The following LIFR variants were observed in gnomAD, a reference collection of about 807,000 sequenced individuals.
The protein encoded by LIFR is LIF receptor subunit alpha.
A neutral mutation model predicts 122.2 loss-of-function variants in LIFR; 84 were observed. That is an observed-to-expected ratio of 0.69 (90% CI 0.58 to 0.82). The LOEUF (loss-of-function observed/expected upper bound fraction) is 0.82. Ranked by LOEUF, LIFR falls within the 40% of genes least tolerant of loss-of-function variation. The probability of loss-of-function intolerance (pLI) is 0.00; values close to 1 mark genes in which losing one functional copy is unlikely to be tolerated. For synonymous variants in LIFR, 422 were observed against 434.7 expected (o/e 0.97, Z 0.36); for missense variants, 1,294 against 1,311.6 (o/e 0.99, Z 0.21).
Position 38,496,455 on chromosome 5 carries a change from G to A in LIFR, c.1812C>T (p.Ile604=), listed in dbSNP as rs1457526797. ...AEIRLDKNDY[I]ISVVAKNSVG... Reference sequence around the variant, plus strand: ...CAGAATTTTTAGCCACTACGCTGATGATGTAGTCATTCTTATCAAGTCGTA... The same window carrying A: ...CAGAATTTTTAGCCACTACGCTGATAATGTAGTCATTCTTATCAAGTCGTA... The change falls in exon 13 of 20, where the codon ATC becomes ATT. Residue 604 remains isoleucine (I), a synonymous_variant. Transcript: ENST00000453190. 1.9e-6 allele frequency: 3 copies of A among 1,613,966 alleles called. No homozygotes were observed.
chr5:38,486,015 C>T (rs373714543), intron 16 of LIFR, 35 bp from the exon 17 acceptor site: 115 of 1,589,116 alleles, frequency 7.2e-5, no homozygotes, highest in Non-Finnish European at 9.4e-5. Context: ...GCACTAATCT[C>T]TAACCCGTTT....
chr5:38,561,968 C>T (rs1013528246), intron 1 of LIFR, among the ~76,000 whole-genome samples: 2 of 152,154 alleles, frequency 1.3e-5, no homozygotes, highest in Non-Finnish European at 2.9e-5. Context: ...TTGGAGACCT[C>T]TTATACTCTT....
At chr5:38,482,815 C>T (rs939147310) in intron 18 of LIFR, 148 bp from the exon 19 acceptor site, 1 of 458,324 alleles carries the variant, frequency 2.2e-6, no homozygotes, top group African/African-American at 2.0e-5. Flanking sequence ...TGTGATCATT[C>T]ACTACAGCTG....
chr5:38,585,576 T>C (rs568024101), intron 1 of LIFR, among the ~76,000 whole-genome samples: 1 of 152,294 alleles, frequency 6.6e-6, no homozygotes, highest in African/African-American at 2.4e-5. Flanking sequence ...TAAAATGGAA[T>C]GGGATTTTCA....
intron 4 of LIFR, 28 bp from the exon 5 acceptor site, chr5:38,523,610 A>G (rs1275017775): frequency 8.3e-6 from 13 of 1,569,992 alleles, no homozygotes; most frequent in Non-Finnish European, 1.1e-5. Context: ...AAAAGAGAAA[A>G]CTTAGTAAAA....
intron 15 of LIFR, among the ~76,000 whole-genome samples, 157 bp downstream of exon 15, chr5:38,490,033 G>A (rs1239393519): frequency 8.7e-5 from 12 of 138,368 alleles, no homozygotes; most frequent in African/African-American, 1.3e-4. Flanking sequence ...AGGAGGAGGA[G>A]AAAAAAGTAG....
chr5:38,575,582 T>C (rs1416230119), intron 1 of LIFR, among the ~76,000 whole-genome samples: 1 of 152,150 alleles, frequency 6.6e-6, no homozygotes, highest in East Asian at 1.9e-4. Context: ...GTGACAATTG[T>C]GAAGAACACA....
At chr5:38,493,886 A>G in intron 13 of LIFR, 101 bp from the exon 14 acceptor site, 1 of 927,134 alleles carries the variant, frequency 1.1e-6, no homozygotes, top group South Asian at 1.4e-5. Context: ...TTCATTGTGA[A>G]GAAATTATAA....
chr5:38,476,200 G>A lies in LIFR; in HGVS notation c.*5395C>T. The A allele has an allele frequency of 4.8e-6, 1 of 206,364 alleles. No individual in the cohort carries two copies. The highest frequency in any genetic ancestry group is 9.9e-6 in the Non-Finnish European group (1 of 101,158). 12.8% of individuals were successfully genotyped at this position (206,364 alleles called of 1,614,324 possible). ...GGGAGAAGAATGTTTTACAAAAATT[G>A]TATGAAAACCATTATTCAGTGTTCT... On this transcript the variant is annotated 3_prime_UTR_variant, in exon 20 of 20. Transcript: ENST00000453190.
Position 38,527,294 on chromosome 5 carries a change from C to A in LIFR, c.258G>T (p.Arg86Ser), listed in dbSNP as rs199505838. 18 of 1,565,570 alleles carry A rather than the reference C, an allele frequency of 1.1e-5. No individual in the cohort carries two copies. The East Asian group carries it at 3.6e-4, about 31-fold the overall frequency. Residue 86 changes from arginine to serine, a missense_variant and splice_region_variant, in exon 4 of 20, where the codon AGG becomes AGT. Transcript: ENST00000453190. ...GTDYEVCIEN[R>S]SRSCYQLEKT... Reference sequence around the variant, plus strand: ...TCTCCAACTGATAACAAGAACGGGACCTGTAATAAGAAATTGAATTTTAAT... The same window carrying A: ...TCTCCAACTGATAACAAGAACGGGAACTGTAATAAGAAATTGAATTTTAAT...
At chr5:38,521,110 T>C (rs967020816) in intron 5 of LIFR, among the ~76,000 whole-genome samples, 1 of 152,180 alleles carries the variant, frequency 6.6e-6, no homozygotes, top group Admixed American at 6.5e-5. Flanking sequence ...ATTTCTTTCA[T>C]CAGTTTTGTA....
intron 1 of LIFR, among the ~76,000 whole-genome samples, chr5:38,585,151 TAAAG>T (rs984793527): frequency 6.6e-6 from 1 of 152,124 alleles, no homozygotes; most frequent in African/African-American, 2.4e-5. Flanking sequence ...AATCAAAAAT[TAAAG>T]AAATAAAGAG....
At chr5:38,534,856 A>G (rs964725234) in intron 1 of LIFR, among the ~76,000 whole-genome samples, 5 of 152,184 alleles carry the variant, frequency 3.3e-5, no homozygotes, top group Admixed American at 6.5e-5. Context: ...ACCCATAAAT[A>G]TTCTTGAGAA....
chr5:38,543,028 T>C (rs1036791060), intron 1 of LIFR, among the ~76,000 whole-genome samples: 6 of 151,994 alleles, frequency 3.9e-5, no homozygotes, highest in African/African-American at 1.5e-4. Flanking sequence ...ACTTAGGATA[T>C]ACAAATGGCT....
intron 1 of LIFR, among the ~76,000 whole-genome samples, chr5:38,553,741 G>T (rs2112663469): frequency 7.1e-6 from 1 of 139,912 alleles, no homozygotes; most frequent in African/African-American, 2.6e-5. Context: ...TCAAAAATAA[G>T]CATAATGAAA....
At chr5:38,565,386 A>G (rs1171783067) in intron 1 of LIFR, among the ~76,000 whole-genome samples, 4 of 152,148 alleles carry the variant, frequency 2.6e-5, no homozygotes, top group Non-Finnish European at 5.9e-5. Flanking sequence ...TAATTTAGGC[A>G]AAAAGGGAAG....
intron 15 of LIFR, 60 bp from the exon 16 acceptor site, chr5:38,489,305 A>T (rs1744449618): frequency 7.9e-7 from 1 of 1,265,972 alleles, no homozygotes; most frequent in African/African-American, 1.5e-5. Flanking sequence ...TAATACAGTA[A>T]TGTTTCCTGA....
chr5:38,561,871 A>G (rs1480886849), intron 1 of LIFR, among the ~76,000 whole-genome samples: 3 of 152,154 alleles, frequency 2.0e-5, no homozygotes, highest in African/African-American at 4.8e-5. Context: ...CCTGTCCTCT[A>G]TGACTTCACT....
At chr5:38,583,684 A>G (rs904523864) in intron 1 of LIFR, among the ~76,000 whole-genome samples, 1 of 152,208 alleles carries the variant, frequency 6.6e-6, no homozygotes, top group Non-Finnish European at 1.5e-5. Context: ...TAAAATGATC[A>G]ACAGGTATAT....
Sources: allele counts gnomAD v4.1 joint callset (sites outside exome capture counted in the v4.1 genomes callset), GRCh38; gene constraint gnomAD v4.1.1; transcripts MANE v1.5; gene names NCBI Gene and HGNC (gene_info 2026-07-23, HGNC 2026-07-21).